Variants in TDRD5 observed in about 807,000 individuals in gnomAD.
TDRD5 encodes tudor domain-containing protein 5.
A neutral mutation model predicts 120.6 loss-of-function variants in TDRD5; 41 were observed. The ratio of observed to expected loss-of-function variants is 0.34; its 90% confidence interval spans 0.26 to 0.44. The LOEUF (loss-of-function observed/expected upper bound fraction) is 0.44, where lower values mean the gene tolerates loss of function less well. TDRD5 is among the 20% of genes least tolerant of loss of function. TDRD5 has a pLI of 1.00. For missense variants in TDRD5, 1,006 were observed against 1,221.2 expected (o/e 0.82, Z 2.63); for synonymous variants, 430 against 433.7 (o/e 0.99, Z 0.11).
intron 4 of TDRD5, among the ~76,000 whole-genome samples, chr1:179,610,568 T>C (rs1466079937): frequency 6.6e-6 from 1 of 152,170 alleles, no homozygotes; most frequent in Non-Finnish European, 1.5e-5. Flanking sequence ...TCTAATTATA[T>C]AACTCTTAGG....
chr1:179,634,815 A>G (rs1398114048), intron 8 of TDRD5, among the ~76,000 whole-genome samples, 186 bp downstream of exon 8: 1 of 152,218 alleles, frequency 6.6e-6, no homozygotes, highest in Non-Finnish European at 1.5e-5. Context: ...AGTCTTTTAT[A>G]TAACTAGCTT....
intron 17 of TDRD5, among the ~76,000 whole-genome samples, chr1:179,677,225 T>C (rs1680184840): frequency 6.6e-6 from 1 of 152,148 alleles, no homozygotes; most frequent in Non-Finnish European, 1.5e-5. Flanking sequence ...TAATGCTTTC[T>C]ATTTCACTGA....
intron 16 of TDRD5, among the ~76,000 whole-genome samples, chr1:179,667,958 A>G (rs1291614632): frequency 6.6e-6 from 1 of 152,200 alleles, no homozygotes; most frequent in Non-Finnish European, 1.5e-5. Flanking sequence ...ATCTGTTTGT[A>G]CAATTATTGT....
chr1:179,673,470 T>C (rs2147787956), intron 17 of TDRD5, among the ~76,000 whole-genome samples: 1 of 152,294 alleles, frequency 6.6e-6, no homozygotes, highest in Admixed American at 6.5e-5. Context: ...CCTCAAGAAG[T>C]CCTGATGACA....
chr1:179,638,354 T>C (rs1677882385), intron 9 of TDRD5, among the ~76,000 whole-genome samples: 1 of 127,114 alleles, frequency 7.9e-6, no homozygotes, highest in African/African-American at 2.8e-5. Flanking sequence ...GAAAACTGTT[T>C]GCTTTAGAGA....
intron 6 of TDRD5, among the ~76,000 whole-genome samples, chr1:179,625,266 C>T (rs920966171): frequency 6.6e-6 from 1 of 151,994 alleles, no homozygotes; most frequent in Admixed American, 6.6e-5. Context: ...ATGACCTGGA[C>T]AGGCAAAGCT....
At chr1:179,646,588 T>C (rs1369042379) in intron 11 of TDRD5, among the ~76,000 whole-genome samples, 1 of 146,312 alleles carries the variant, frequency 6.8e-6, no homozygotes, top group African/African-American at 2.5e-5. Context: ...AACATAGTGT[T>C]GGAAGTTCCG....
chr1:179,600,142 CAT>C (rs1271008572), intron 4 of TDRD5, among the ~76,000 whole-genome samples: 2 of 152,090 alleles, frequency 1.3e-5, no homozygotes, highest in African/African-American at 4.8e-5. Context: ...CACCTTACCA[CAT>C]GACAAGATAA....
intron 17 of TDRD5, among the ~76,000 whole-genome samples, chr1:179,675,569 G>A (rs547548266): frequency 2.0e-5 from 3 of 152,060 alleles, no homozygotes; most frequent in South Asian, 2.1e-4. Flanking sequence ...GTGAGCCACC[G>A]CGCCCGGCCC....
chr1:179,644,706 A>G (rs921421502), intron 11 of TDRD5, among the ~76,000 whole-genome samples: 1 of 152,126 alleles, frequency 6.6e-6, no homozygotes, highest in Non-Finnish European at 1.5e-5. Context: ...GTCCTTTTAC[A>G]TTCCAAATAT....
At chr1:179,598,895 A>G (rs1474683051) in intron 4 of TDRD5, among the ~76,000 whole-genome samples, 1 of 152,058 alleles carries the variant, frequency 6.6e-6, no homozygotes, top group Admixed American at 6.5e-5. Context: ...TAGGCTCTCT[A>G]GTATTATATA....
At chr1:179,618,795 C>A (rs559923677) in intron 5 of TDRD5, 113 bp downstream of exon 5, 10 of 658,116 alleles carry the variant, frequency 1.5e-5, no homozygotes, top group Non-Finnish European at 2.3e-6. Flanking sequence ...TAATATACTG[C>A]AAACTAAGCA....
chr1:179,679,236 C>G (rs980181736), intron 17 of TDRD5, among the ~76,000 whole-genome samples: 2 of 152,068 alleles, frequency 1.3e-5, no homozygotes, highest in South Asian at 2.1e-4. Flanking sequence ...GATATACTAT[C>G]CATTTTATAG....
At chr1:179,633,970 G>T (rs575538335) in intron 7 of TDRD5, among the ~76,000 whole-genome samples, 1 of 151,880 alleles carries the variant, frequency 6.6e-6, no homozygotes, top group Non-Finnish European at 1.5e-5. Context: ...AGGAGATAGA[G>T]ACCATCCTGG....
intron 11 of TDRD5, among the ~76,000 whole-genome samples, chr1:179,649,746 T>A (rs1002598219): frequency 6.6e-6 from 1 of 152,226 alleles, no homozygotes; most frequent in Non-Finnish European, 1.5e-5. Flanking sequence ...TTTGATTCAT[T>A]GTTTCTTTGT....
rs1242106666 is a variant in TDRD5 at position 179,593,995 on chromosome 1, T to C, written c.640+128T>C. On this transcript the variant is annotated intron_variant, in intron 3 of 17. Transcript: ENST00000444136. ...GCCAGCTGAGTGGTCTCAGGCGAAC[T>C]GTTCAATCTACTTAAGCCTTAGTTT... 5.9e-6 allele frequency: 7 copies of C among 1,183,058 alleles called. No homozygotes were observed. In the African/African-American group the frequency reaches 1.1e-4, roughly 18 times the overall value. 73.3% of individuals were successfully genotyped at this position (1,183,058 alleles called of 1,614,324 possible). A position where few individuals can be genotyped will look rare whatever the true frequency, so the allele number is the denominator to read the frequency against.
intron 4 of TDRD5, among the ~76,000 whole-genome samples, chr1:179,607,683 C>T (rs2101935738): frequency 6.6e-6 from 1 of 151,888 alleles, no homozygotes; most frequent in Non-Finnish European, 1.5e-5. Flanking sequence ...TTTACATTTC[C>T]CCTCTTCCAT....
intron 17 of TDRD5, among the ~76,000 whole-genome samples, chr1:179,681,203 A>C (rs1680401779): frequency 1.3e-5 from 2 of 152,168 alleles, no homozygotes; most frequent in Admixed American, 1.3e-4. Flanking sequence ...TCAGTCTCTC[A>C]AGCAGCTAGG....
Position 179,663,462 on chromosome 1 carries a change from A to G in TDRD5, c.2620A>G (p.Lys874Glu), listed in dbSNP as rs757225684. Residue 874 changes from lysine to glutamate, a missense_variant, in exon 16 of 18, where the codon AAA becomes GAA. Transcript: ENST00000444136. ...HKPEVLGAQE[K>E]NTGTNRTQKQ... ...GCCAGAAGTACTGGGTGCTCAGGAA[A>G]AAAATACTGGCACAAACAGGACTCA... 22 of 1,613,400 alleles carry G rather than the reference A, an allele frequency of 1.4e-5. No homozygotes were observed. Among genetic ancestry groups the G allele is most frequent in the South Asian group, 5.5e-5 (5 of 90,878 alleles).
Sources: allele counts gnomAD v4.1 joint callset (sites outside exome capture counted in the v4.1 genomes callset), GRCh38; gene constraint gnomAD v4.1.1; transcripts MANE v1.5; gene names NCBI Gene and HGNC (gene_info 2026-07-23, HGNC 2026-07-21).